Variants in DNHD1 observed in about 807,000 individuals in gnomAD.
The protein encoded by DNHD1 is dynein heavy chain domain 1.
A neutral mutation model predicts 458.1 loss-of-function variants in DNHD1; 383 were observed. The observed-to-expected ratio is 0.84, with a 90% confidence interval of 0.77 to 0.91. The LOEUF (loss-of-function observed/expected upper bound fraction) is 0.91, where lower values mean the gene tolerates loss of function less well. Ranked by LOEUF, DNHD1 falls within the 40% of genes least tolerant of loss-of-function variation. The probability of loss-of-function intolerance (pLI) is 0.00; values close to 1 mark genes in which losing one functional copy is unlikely to be tolerated. For synonymous variants in DNHD1, 2,203 were observed against 2,376.9 expected (o/e 0.93, Z 2.13); for missense variants, 5,336 against 5,866.1 (o/e 0.91, Z 2.95).
Position 6,535,792 on chromosome 11 carries a change from T to C in DNHD1, c.2998+1619T>C, listed in dbSNP as rs1212411284. 2.0e-5 allele frequency among the ~76,000 whole-genome samples: 3 copies of C among 152,306 alleles called. No individual in the cohort carries two copies. In the East Asian group the frequency reaches 5.8e-4, roughly 29 times the overall value. ...GAAAATTATTATTTTGCAACCATCATGGTAATTACCAGATCAGATAAGGAT... is the reference window on the plus strand; with the variant it reads ...GAAAATTATTATTTTGCAACCATCACGGTAATTACCAGATCAGATAAGGAT... On this transcript the variant is annotated intron_variant, in intron 14 of 42. Coordinates refer to ENST00000254579, the MANE Select transcript of DNHD1 (RefSeq NM_144666.3).
At chr11:6,532,967 C>G (rs1198328122) in intron 12 of DNHD1, 60 bp from the exon 13 acceptor site, 2 of 1,502,896 alleles carry the variant, frequency 1.3e-6, no homozygotes, top group Middle Eastern at 3.4e-4. Context: ...GACCACAGCA[C>G]TGTCCCCAGC....
Position 6,529,617 on chromosome 11 carries a change from G to A in DNHD1, c.2347+496G>A, listed in dbSNP as rs185648636. Among the ~76,000 whole-genome samples, 76 of 152,244 alleles carry A rather than the reference G, an allele frequency of 5.0e-4. 1 individual carries two copies. The highest frequency in any genetic ancestry group is 8.4e-4 in the Non-Finnish European group (57 of 68,010). Reference sequence around the variant, plus strand: ...TGATTCAGTCTATTTGGGATATCTGGGCAATTGAAAATTTATACTGTAGTT... The same window carrying A: ...TGATTCAGTCTATTTGGGATATCTGAGCAATTGAAAATTTATACTGTAGTT... On this transcript the variant is annotated intron_variant, in intron 12 of 42. Coordinates refer to ENST00000254579, the MANE Select transcript of DNHD1 (RefSeq NM_144666.3).
chr11:6,520,136 A>G, intron 9 of DNHD1, 34 bp downstream of exon 9: 2 of 1,613,994 alleles, frequency 1.2e-6, no homozygotes, highest in East Asian at 4.5e-5. Context: ...TGGCTGTGGG[A>G]ATTCCCAGTT....
chr11:6,539,283 A>G lies in DNHD1; in HGVS notation c.3390A>G (p.Pro1130=). 6.4e-7 allele frequency: 1 copy of G among 1,551,562 alleles called. No homozygotes were observed. The change falls in exon 17 of 43, where the codon CCA becomes CCG. Residue 1130 remains proline, a synonymous_variant. Coordinates refer to ENST00000254579, the MANE Select transcript of DNHD1 (RefSeq NM_144666.3). The part of the protein sequence containing the change: ...LLTLGQLLTY[P]LLEFADRINQ... ...CGCTGGGCCAGCTGCTTACTTATCC[A>G]CTGCTGGAGTTTGCAGATCGAATCA...
At chr11:6,570,206 C>G (rs371642638) in intron 40 of DNHD1, 41 bp from the exon 41 acceptor site, 2 of 1,611,806 alleles carry the variant, frequency 1.2e-6, no homozygotes, top group Admixed American at 1.7e-5. Context: ...GTGGTGGAAA[C>G]TGAAGGTACT....
intron 10 of DNHD1, among the ~76,000 whole-genome samples, chr11:6,527,096 A>G (rs1302620004): frequency 6.6e-6 from 1 of 152,102 alleles, no homozygotes; most frequent in African/African-American, 2.4e-5. Context: ...TTTTGGTTTT[A>G]TTATCTAATT....
At chr11:6,520,388 A>G in intron 10 of DNHD1, 99 bp downstream of exon 10, 7 of 1,545,194 alleles carry the variant, frequency 4.5e-6, no homozygotes, top group Non-Finnish European at 6.1e-6. Flanking sequence ...CAGGCTATAG[A>G]GTCAGGCACT....
intron 32 of DNHD1, among the ~76,000 whole-genome samples, chr11:6,565,049 C>G (rs1184440341): frequency 6.6e-6 from 1 of 152,182 alleles, no homozygotes; most frequent in Non-Finnish European, 1.5e-5. Flanking sequence ...CTCAGCACTA[C>G]CCAAATTTAT....
chr11:6,519,951 C>T lies in DNHD1; in HGVS notation c.1648-14C>T, dbSNP rs1852570997. The T allele has an allele frequency of 6.2e-7, 1 of 1,614,004 alleles. No individual in the cohort carries two copies. Among genetic ancestry groups the T allele is most frequent in the Admixed American group, 1.7e-5 (1 of 60,006 alleles). On this transcript the variant is annotated splice_polypyrimidine_tract_variant and intron_variant, in intron 8 of 42. Coordinates refer to ENST00000254579, the MANE Select transcript of DNHD1 (RefSeq NM_144666.3). ...ATCTAGCCCCTCGACCTTTCCTGAC[C>T]CTTTTTTTTACAGGCCCCAAGGCAG...
At position 6,546,180 on chromosome 11, in the gene DNHD1, C is replaced by A; in HGVS notation, c.5241C>A (p.Gly1747=). ...AGAAAGTTCATCAGCTGCCCCCTGG[C>A]TTGCTCTCTGCCCTGGGCCAGCGCC... is the stretch of plus-strand genomic sequence containing the variant. The part of the protein sequence containing the change: ...LLEKVHQLPP[G]LLSALGQRLG... Residue 1747 remains glycine, a synonymous_variant, in exon 21 of 43, where the codon GGC becomes GGA. Coordinates refer to ENST00000254579, the MANE Select transcript of DNHD1 (RefSeq NM_144666.3). 1 of 1,551,128 alleles carries A rather than the reference C, an allele frequency of 6.4e-7. No homozygotes were observed. Among genetic ancestry groups the A allele is most frequent in the Non-Finnish European group, 8.7e-7 (1 of 1,146,532 alleles).
intron 39 of DNHD1, 97 bp from the exon 40 acceptor site, chr11:6,569,912 C>T (rs950442073): frequency 6.8e-6 from 7 of 1,027,542 alleles, no homozygotes; most frequent in South Asian, 3.2e-5. Context: ...GCAATGAACC[C>T]GAAGCTCAGG....
At chr11:6,556,456 T>C (rs563867414) in intron 24 of DNHD1, among the ~76,000 whole-genome samples, 1 of 152,358 alleles carries the variant, frequency 6.6e-6, no homozygotes, top group East Asian at 1.9e-4. Context: ...CTTCGGTTAA[T>C]GAATAATAAG....
intron 7 of DNHD1, among the ~76,000 whole-genome samples, chr11:6,512,180 C>A (rs1198472289): frequency 6.7e-6 from 1 of 149,008 alleles, no homozygotes; most frequent in Non-Finnish European, 1.5e-5. Flanking sequence ...AAAATGGCCT[C>A]AACTGCAAGG....
intron 7 of DNHD1, among the ~76,000 whole-genome samples, chr11:6,518,076 A>T (rs925805360): frequency 1.3e-5 from 2 of 152,094 alleles, no homozygotes; most frequent in Non-Finnish European, 2.9e-5. Context: ...TATTGTTATC[A>T]TTACTTTTGA....
At chr11:6,534,240 G>A (rs1320664808) in intron 14 of DNHD1, 67 bp downstream of exon 14, 1 of 1,477,882 alleles carries the variant, frequency 6.8e-7, no homozygotes, top group Non-Finnish European at 9.1e-7. Flanking sequence ...GTAAGAGTTG[G>A]AACTCAGGGT....
At position 6,544,863 on chromosome 11, in the gene DNHD1, T is replaced by A. The variant is rs1395579036; in HGVS notation, c.3924T>A (p.Val1308=). The change falls in exon 21 of 43, where the codon GTT becomes GTA. Residue 1308 remains valine (V), a synonymous_variant. Transcript: ENST00000254579. ...GCATCTCTGTAGCTGACCCCATGGT[T>A]CTGTCACTTGTAGTGCCCAGTGCCG... ...LMRISVADPM[V]LSLVVPSAER... The A allele has an allele frequency of 6.4e-7, 1 of 1,551,582 alleles. No homozygotes were observed. Among genetic ancestry groups the A allele is most frequent in the Non-Finnish European group, 8.7e-7 (1 of 1,146,992 alleles).
intron 4 of DNHD1, chr11:6,503,160 T>C: frequency 2.1e-6 from 1 of 471,726 alleles, no homozygotes; most frequent in Non-Finnish European, 3.7e-6. Context: ...TACACATCCT[T>C]TTCTCACATT....
chr11:6,535,653 G>C (rs935020256), intron 14 of DNHD1, among the ~76,000 whole-genome samples: 3 of 152,166 alleles, frequency 2.0e-5, no homozygotes, highest in African/African-American at 7.2e-5. Flanking sequence ...TGAAGTAAAG[G>C]CATTTATTAT....
Position 6,570,603 on chromosome 11 carries a change from A to T in DNHD1, c.13106-15A>T, listed in dbSNP as rs1172818904. On this transcript the variant is annotated splice_polypyrimidine_tract_variant and intron_variant, in intron 41 of 42. Transcript: ENST00000254579. ...GAGTCCATCTTGTCCCTCACCCCTC[A>T]CCTCTATCCCCAAGAGCTAAGGGAG... The T allele has an allele frequency of 6.3e-7, 1 of 1,583,616 alleles. No individual in the cohort carries two copies. Among genetic ancestry groups the T allele is most frequent in the South Asian group, 1.2e-5 (1 of 86,492 alleles).
Sources: gnomAD v4.1 joint callset for allele counts (sites outside exome capture counted in the v4.1 genomes callset) on GRCh38, gnomAD v4.1.1 for gene constraint, MANE v1.5 for transcripts, NCBI Gene and HGNC (gene_info 2026-07-23, HGNC 2026-07-21) for gene names.